The following NRDC variants were observed in gnomAD, a reference collection of about 807,000 sequenced individuals.
The protein encoded by NRDC is nardilysin convertase, also known as nardilysin.
In NRDC, 54 loss-of-function variants were observed where a neutral mutation model predicts 147.1. The observed-to-expected ratio is 0.37, with a 90% confidence interval of 0.29 to 0.46. The LOEUF (loss-of-function observed/expected upper bound fraction) is 0.46, where lower values mean the gene tolerates loss of function less well. NRDC is among the 20% of genes least tolerant of loss of function. NRDC has a pLI of 1.00. For synonymous variants in NRDC, 440 were observed against 482.1 expected (o/e 0.91, Z 1.14); for missense variants, 1,082 against 1,370.6 (o/e 0.79, Z 3.33).
chr1:51,790,826 G>C, intron 28 of NRDC, 74 bp downstream of exon 28: 1 of 1,291,742 alleles, frequency 7.7e-7, no homozygotes, highest in East Asian at 2.3e-5. Flanking sequence ...AAACTGGCCG[G>C]CGAAGCCCTG....
chr1:51,793,288 G>A (rs1678737319), intron 24 of NRDC, among the ~76,000 whole-genome samples: 1 of 152,178 alleles, frequency 6.6e-6, no homozygotes, highest in African/African-American at 2.4e-5. Context: ...GAGTACTCCT[G>A]TACCGGGGTT....
chr1:51,844,750 A>G (rs1346053911), intron 1 of NRDC, among the ~76,000 whole-genome samples: 1 of 128,748 alleles, frequency 7.8e-6, no homozygotes, highest in Non-Finnish European at 1.6e-5. Flanking sequence ...GAAGAAAGGA[A>G]TTCCGGAAGG....
rs1679143209 is a variant in NRDC at position 51,800,498 on chromosome 1, C to T, written c.2441+58G>A. The T allele has an allele frequency of 5.0e-6, 8 of 1,589,474 alleles. No individual in the cohort carries two copies. In the South Asian group the frequency reaches 9.1e-5, roughly 18 times the overall value. ...TAGCCTTAACCCCCACACCCACCCA[C>T]TAGGGAGAGTAATACTTTCAGGTCC... On this transcript the variant is annotated intron_variant, in intron 21 of 30. Transcript: ENST00000352171.
intron 19 of NRDC, 91 bp downstream of exon 19, chr1:51,805,419 T>C (rs1336416486): frequency 1.0e-6 from 1 of 998,300 alleles, no homozygotes; most frequent in Admixed American, 2.7e-5. Flanking sequence ...CAAATATGGA[T>C]AGAGAAAATG....
chr1:51,841,245 A>C (rs1681251919), intron 1 of NRDC, among the ~76,000 whole-genome samples: 1 of 152,130 alleles, frequency 6.6e-6, no homozygotes, highest in South Asian at 2.1e-4. Context: ...CTTATCTGCA[A>C]AACTACTGTG....
At chr1:51,871,515 TAAAAAAAAAAAAAAA>T (rs60495773) in intron 1 of NRDC, among the ~76,000 whole-genome samples, 2 of 20,974 alleles carry the variant, frequency 9.5e-5, no homozygotes, top group African/African-American at 1.5e-4. Context: ...ACTGGTTCAT[TAAAAAAAAAAAAAAA>T]AAAAAAAAAA....
chr1:51,813,394 T>C (rs1679818803), intron 14 of NRDC, among the ~76,000 whole-genome samples: 1 of 152,200 alleles, frequency 6.6e-6, no homozygotes, highest in Non-Finnish European at 1.5e-5. Context: ...CCTGACTAGA[T>C]GGCTAGATGG....
chr1:51,837,113 C>T (rs536578012), intron 2 of NRDC, among the ~76,000 whole-genome samples: 12 of 151,304 alleles, frequency 7.9e-5, no homozygotes, highest in African/African-American at 2.9e-4. Context: ...AGTTAAAAGA[C>T]AAAAAAAGGA....
chr1:51,877,363 A>T (rs1683383038), intron 1 of NRDC, among the ~76,000 whole-genome samples: 1 of 152,010 alleles, frequency 6.6e-6, no homozygotes, highest in Non-Finnish European at 1.5e-5. Context: ...CTCTATTTAA[A>T]ATACATCAAA....
At chr1:51,799,180 T>C (rs904835769) in intron 21 of NRDC, 13 of 152,214 alleles carry the variant, frequency 8.5e-5, no homozygotes, top group African/African-American at 3.1e-4. Flanking sequence ...ACCGTATCAA[T>C]GGTTGCAGAT....
intron 8 of NRDC, 82 bp downstream of exon 8, chr1:51,821,416 A>C (rs532677720): frequency 8.7e-5 from 79 of 909,122 alleles, no homozygotes; most frequent in African/African-American, 2.7e-4. Context: ...AAAATAAAAA[A>C]GCAAAAAACC....
intron 1 of NRDC, among the ~76,000 whole-genome samples, chr1:51,868,239 C>A (rs576319158): frequency 6.6e-6 from 1 of 151,968 alleles, no homozygotes; most frequent in Non-Finnish European, 1.5e-5. Context: ...GGAAAAAAAA[C>A]ATTGCTAGAG....
intron 20 of NRDC, chr1:51,801,227 T>C (rs1679179028): frequency 6.6e-6 from 1 of 150,578 alleles, no homozygotes; most frequent in African/African-American, 2.5e-5. Flanking sequence ...ATAGATCCTA[T>C]ACTTTTCCTG....
chr1:51,877,841 G>T, intron 1 of NRDC: 1 of 197,944 alleles, frequency 5.1e-6, no homozygotes, highest in Non-Finnish European at 9.3e-6. Flanking sequence ...GGTAACTTTC[G>T]TCCACTAGTT....
chr1:51,865,746 A>T (rs906376118), intron 1 of NRDC, among the ~76,000 whole-genome samples: 1 of 151,982 alleles, frequency 6.6e-6, no homozygotes, highest in Non-Finnish European at 1.5e-5. Context: ...ACAGATAGTA[A>T]TTTTTTTTAA....
chr1:51,848,326 A>AT (rs1403448647), intron 1 of NRDC, among the ~76,000 whole-genome samples: 14 of 152,178 alleles, frequency 9.2e-5, no homozygotes, highest in African/African-American at 2.9e-4. Flanking sequence ...ATACAAAAAA[A>AT]GAAAATTAGA....
intron 1 of NRDC, among the ~76,000 whole-genome samples, chr1:51,848,057 CT>C (rs1472962757): frequency 2.0e-5 from 3 of 152,236 alleles, no homozygotes; most frequent in Non-Finnish European, 4.4e-5. Context: ...AGGATCACGT[CT>C]ATAAATCAAC....
intron 27 of NRDC, 76 bp downstream of exon 27, chr1:51,791,502 G>A: frequency 7.8e-7 from 1 of 1,275,740 alleles, no homozygotes; most frequent in Non-Finnish European, 1.1e-6. Context: ...GTTGCCCAAG[G>A]TTTAAGGAAA....
At chr1:51,817,767 C>T (rs765323813) in intron 10 of NRDC, among the ~76,000 whole-genome samples, 5 of 152,090 alleles carry the variant, frequency 3.3e-5, no homozygotes, top group Non-Finnish European at 7.4e-5. Flanking sequence ...CTGCCAGGCC[C>T]AAATTATTTA....
Sources: allele counts gnomAD v4.1 joint callset (sites outside exome capture counted in the v4.1 genomes callset), GRCh38; gene constraint gnomAD v4.1.1; transcripts MANE v1.5; gene names NCBI Gene and HGNC (gene_info 2026-07-23, HGNC 2026-07-21).